ST6GALNAC5: variants seen among roughly 807,000 people sequenced by gnomAD.
The protein encoded by ST6GALNAC5 is ST6 N-acetylgalactosaminide alpha-2,6-sialyltransferase 5.
A neutral mutation model predicts 33.6 loss-of-function variants in ST6GALNAC5; 27 were observed. That is an observed-to-expected ratio of 0.80 (90% CI 0.59 to 1.11). The LOEUF is 1.11. ST6GALNAC5 is among the 50% of genes least tolerant of loss of function. ST6GALNAC5 has a pLI of 0.00. For missense variants in ST6GALNAC5, 428 were observed against 454.0 expected (o/e 0.94, Z 0.52); for synonymous variants, 194 against 171.2 (o/e 1.13, Z -1.04).
At chr1:76,969,331 G>A (rs757964945) in intron 2 of ST6GALNAC5, among the ~76,000 whole-genome samples, 16 of 152,304 alleles carry the variant, frequency 1.1e-4, no homozygotes, top group Admixed American at 2.0e-4. Context: ...CCCAAATACT[G>A]TGCTTTTCCA....
chr1:76,935,647 G>A (rs1054444524), intron 2 of ST6GALNAC5, among the ~76,000 whole-genome samples: 1 of 152,048 alleles, frequency 6.6e-6, no homozygotes, highest in East Asian at 1.9e-4. Context: ...TCCTCATAAA[G>A]GGGAAATTGC....
At chr1:77,012,609 T>TA (rs1650675602) in intron 2 of ST6GALNAC5, among the ~76,000 whole-genome samples, 1 of 152,146 alleles carries the variant, frequency 6.6e-6, no homozygotes, top group Non-Finnish European at 1.5e-5. Context: ...ATCCTTCTCT[T>TA]GGTGGGAGAG....
intron 4 of ST6GALNAC5, among the ~76,000 whole-genome samples, chr1:77,061,482 A>G (rs143335413): frequency 6.6e-6 from 1 of 152,314 alleles, no homozygotes; most frequent in East Asian, 1.9e-4. Flanking sequence ...AAACCAAGTT[A>G]TTATACTTAG....
At chr1:76,912,366 A>T (rs1646923099) in intron 2 of ST6GALNAC5, among the ~76,000 whole-genome samples, 1 of 152,092 alleles carries the variant, frequency 6.6e-6, no homozygotes, top group Non-Finnish European at 1.5e-5. Flanking sequence ...ATTTTGGAAT[A>T]GGTATGGTGT....
At chr1:77,047,702 A>G (rs1322813667) in intron 3 of ST6GALNAC5, among the ~76,000 whole-genome samples, 1 of 152,256 alleles carries the variant, frequency 6.6e-6, no homozygotes, top group Non-Finnish European at 1.5e-5. Flanking sequence ...AACCAATATT[A>G]TAGTAATTAG....
At position 76,876,627 on chromosome 1, in the gene ST6GALNAC5, T is replaced by A. The variant is rs191892225; in HGVS notation, c.261+7885T>A. Among the ~76,000 whole-genome samples, 198 of 152,302 alleles carry A rather than the reference T, an allele frequency of 1.3e-3. 1 individual carries two copies. Among genetic ancestry groups the A allele is most frequent in the African/African-American group, 4.5e-3 (189 of 41,568 alleles). Reference sequence around the variant, plus strand: ...CAGCCAAACCATTGGCTACAGCCCATGAATCAGTATATAATCTCACATCGG... The same window carrying A: ...CAGCCAAACCATTGGCTACAGCCCAAGAATCAGTATATAATCTCACATCGG... On this transcript the variant is annotated intron_variant, in intron 2 of 4. Transcript: ENST00000477717.
chr1:76,929,278 C>T (rs1368536244), intron 2 of ST6GALNAC5, among the ~76,000 whole-genome samples: 2 of 152,110 alleles, frequency 1.3e-5, no homozygotes, highest in Admixed American at 6.5e-5. Context: ...CAGGGACTCA[C>T]ACCTCTGGTC....
intron 2 of ST6GALNAC5, among the ~76,000 whole-genome samples, chr1:76,903,974 G>A (rs1368078280): frequency 6.6e-6 from 1 of 152,164 alleles, no homozygotes; most frequent in African/African-American, 2.4e-5. Flanking sequence ...GACTGTGGGG[G>A]TGGTTTCACA....
chr1:76,945,432 C>T (rs1448475387), intron 2 of ST6GALNAC5, among the ~76,000 whole-genome samples: 2 of 151,994 alleles, frequency 1.3e-5, no homozygotes, highest in Non-Finnish European at 2.9e-5. Context: ...CAGGAATGAA[C>T]GATGAACCAA....
chr1:76,975,489 T>C (rs1439505150), intron 2 of ST6GALNAC5, among the ~76,000 whole-genome samples: 1 of 152,178 alleles, frequency 6.6e-6, no homozygotes, highest in Non-Finnish European at 1.5e-5. Flanking sequence ...GTTCAAAAAT[T>C]TGAAATAATC....
chr1:76,915,878 A>AAAAAAAAC (rs1245460172), intron 2 of ST6GALNAC5, among the ~76,000 whole-genome samples: 4 of 140,070 alleles, frequency 2.9e-5, no homozygotes, highest in Non-Finnish European at 6.1e-5. Flanking sequence ...AAAATAACAA[A>AAAAAAAAC]AAAAAAACAA....
chr1:76,942,440 G>A (rs1647369392), intron 2 of ST6GALNAC5, among the ~76,000 whole-genome samples: 1 of 152,068 alleles, frequency 6.6e-6, no homozygotes, highest in Non-Finnish European at 1.5e-5. Context: ...CAAAATCATT[G>A]GAGCAGTTGA....
intron 2 of ST6GALNAC5, among the ~76,000 whole-genome samples, chr1:77,030,670 T>C (rs916855446): frequency 6.6e-6 from 1 of 152,188 alleles, no homozygotes; most frequent in Admixed American, 6.5e-5. Flanking sequence ...GATCTACTAA[T>C]GTGCTTAAGC....
chr1:76,987,042 T>G (rs1257427861), intron 2 of ST6GALNAC5, among the ~76,000 whole-genome samples: 1 of 152,068 alleles, frequency 6.6e-6, no homozygotes, highest in Non-Finnish European at 1.5e-5. Context: ...GGGGGAGGGA[T>G]AGCATTAGGA....
chr1:76,995,169 G>A (rs1158911950), intron 2 of ST6GALNAC5, among the ~76,000 whole-genome samples: 5 of 152,150 alleles, frequency 3.3e-5, no homozygotes, highest in African/African-American at 1.2e-4. Flanking sequence ...AAGCCAAGGT[G>A]GGAGGATGGA....
At chr1:77,059,782 C>T (rs1468932683) in intron 4 of ST6GALNAC5, among the ~76,000 whole-genome samples, 1 of 152,116 alleles carries the variant, frequency 6.6e-6, no homozygotes, top group African/African-American at 2.4e-5. Flanking sequence ...CCTAGTCCCT[C>T]ATTTTTTCTA....
At chr1:76,892,162 G>A (rs558783363) in intron 2 of ST6GALNAC5, among the ~76,000 whole-genome samples, 1 of 152,204 alleles carries the variant, frequency 6.6e-6, no homozygotes, top group Non-Finnish European at 1.5e-5. Context: ...CTTGCAGGAA[G>A]CTTGATTTCA....
chr1:77,007,342 C>T (rs766395042), intron 2 of ST6GALNAC5, among the ~76,000 whole-genome samples: 38 of 152,228 alleles, frequency 2.5e-4, no homozygotes, highest in Non-Finnish European at 5.1e-4. Flanking sequence ...CTGCAACGCT[C>T]TCCATTTGAG....
intron 2 of ST6GALNAC5, among the ~76,000 whole-genome samples, chr1:76,980,567 T>C (rs1557746426): frequency 6.6e-6 from 1 of 152,342 alleles, no homozygotes; most frequent in East Asian, 1.9e-4. Context: ...TAATTTTTCC[T>C]ACTGGATGTG....
Sources: allele counts gnomAD v4.1 joint callset (sites outside exome capture counted in the v4.1 genomes callset), GRCh38; gene constraint gnomAD v4.1.1; transcripts MANE v1.5; gene names NCBI Gene and HGNC (gene_info 2026-07-23, HGNC 2026-07-21).